PPM1H: variants seen among roughly 807,000 people sequenced by gnomAD.
The protein encoded by PPM1H is protein phosphatase 1H.
In PPM1H, 27 loss-of-function variants were observed where a neutral mutation model predicts 54.9. The observed-to-expected ratio is 0.49, with a 90% CI of 0.36 to 0.68. The LOEUF (loss-of-function observed/expected upper bound fraction) is 0.68. Among genes scored for constraint, PPM1H ranks in the 30% least tolerant of loss-of-function variants. The pLI is 0.00. For missense variants in PPM1H, 596 were observed against 667.8 expected (o/e 0.89, Z 1.19); for synonymous variants, 305 against 270.8 (o/e 1.13, Z -1.24).
rs556947356 is a variant in PPM1H, at chr12:62,831,984, C to G, written c.411+130G>C. The G allele has an allele frequency of 4.1e-5, 45 of 1,101,230 alleles. No homozygotes were observed. The East Asian group carries it at 1.1e-3, about 28-fold the overall frequency. The allele number at this position is 1,101,230 out of a possible 1,614,324, so 68.2% of individuals were successfully genotyped here. A position where few individuals can be genotyped will look rare whatever the true frequency, so the allele number is the denominator to read the frequency against. On this transcript the variant is annotated intron_variant, in intron 2 of 9. Coordinates refer to ENST00000228705, the MANE Select transcript of PPM1H (RefSeq NM_020700.2). ...GATGTCGTGACGATAGGCCCGCCAC[C>G]CCACTAACTCTGGGGACACTGCTTT...
intron 1 of PPM1H, among the ~76,000 whole-genome samples, chr12:62,907,670 T>G (rs373462292): frequency 1.3e-5 from 2 of 152,188 alleles, no homozygotes; most frequent in South Asian, 4.1e-4. Flanking sequence ...AGCCTGAATC[T>G]CAATAGTGCT....
At chr12:62,671,109 C>T (rs1413210018) in intron 8 of PPM1H, among the ~76,000 whole-genome samples, 3 of 152,130 alleles carry the variant, frequency 2.0e-5, no homozygotes, top group Non-Finnish European at 2.9e-5. Flanking sequence ...CTTACTCAAT[C>T]GAACCATACC....
At chr12:62,828,301 GACA>G (rs1242303260) in intron 2 of PPM1H, among the ~76,000 whole-genome samples, 3 of 152,156 alleles carry the variant, frequency 2.0e-5, no homozygotes, top group African/African-American at 4.8e-5. Flanking sequence ...TGACTTTTCT[GACA>G]ACATTTCCTG....
chr12:62,702,625 T>C (rs2076150768), intron 6 of PPM1H, among the ~76,000 whole-genome samples: 1 of 151,148 alleles, frequency 6.6e-6, no homozygotes. Flanking sequence ...TAGCAAGACT[T>C]CAAAGTCATT....
intron 4 of PPM1H, among the ~76,000 whole-genome samples, chr12:62,747,635 C>T (rs1360113818): frequency 6.6e-6 from 1 of 152,200 alleles, no homozygotes; most frequent in African/African-American, 2.4e-5. Flanking sequence ...CCTCAGAAAG[C>T]CTAAAAGCCC....
chr12:62,677,214 T>C (rs1045414039), intron 8 of PPM1H, among the ~76,000 whole-genome samples: 3 of 152,202 alleles, frequency 2.0e-5, no homozygotes, highest in Admixed American at 1.3e-4. Context: ...AAAGCACCTC[T>C]TCACCTTGCT....
intron 1 of PPM1H, among the ~76,000 whole-genome samples, chr12:62,910,898 T>C (rs1332445002): frequency 1.3e-5 from 2 of 152,240 alleles, no homozygotes; most frequent in African/African-American, 4.8e-5. Flanking sequence ...ACAGGTGAAC[T>C]GTTAAATAAT....
At chr12:62,907,286 T>C (rs1871328877) in intron 1 of PPM1H, among the ~76,000 whole-genome samples, 1 of 152,198 alleles carries the variant, frequency 6.6e-6, no homozygotes, top group Admixed American at 6.5e-5. Context: ...GAGATTCCCA[T>C]GATCATTACA....
rs2076255988 is a variant in PPM1H at position 62,720,182 on chromosome 12, A to G, written c.1062T>C (p.Asn354=). Reference sequence around the variant, plus strand: ...AGGCATGTTCTTACCAGCCTGTCATATTAAAGTCCCTGTAGAGCATCTTCT... The same window carrying G: ...AGGCATGTTCTTACCAGCCTGTCATGTTAAAGTCCCTGTAGAGCATCTTCT... ...LGKKMLYRDF[N]MTGWAYKTIE... Residue 354 remains asparagine (N), a synonymous_variant, in exon 6 of 10, where the codon AAT becomes AAC. Transcript: ENST00000228705. The G allele has an allele frequency of 2.5e-6, 4 of 1,604,542 alleles. No individual in the cohort carries two copies. The highest frequency in any genetic ancestry group is 3.4e-6 in the Non-Finnish European group (4 of 1,171,310).
chr12:62,739,411 A>C (rs2076369734), intron 4 of PPM1H, among the ~76,000 whole-genome samples: 1 of 152,234 alleles, frequency 6.6e-6, no homozygotes, highest in South Asian at 2.1e-4. Flanking sequence ...GGGCGGGGTC[A>C]GGAAATTCTA....
At chr12:62,872,168 C>T (rs1169347739) in intron 1 of PPM1H, among the ~76,000 whole-genome samples, 2 of 152,172 alleles carry the variant, frequency 1.3e-5, no homozygotes, top group African/African-American at 2.4e-5. Context: ...TCTGTTCTAG[C>T]CTGAAATCTC....
At chr12:62,747,518 A>G (rs918092945) in intron 4 of PPM1H, among the ~76,000 whole-genome samples, 3 of 152,226 alleles carry the variant, frequency 2.0e-5, no homozygotes, top group Non-Finnish European at 4.4e-5. Flanking sequence ...GATGGCAGGC[A>G]TGAATCACCA....
chr12:62,851,792 A>C (rs1869197313), intron 1 of PPM1H, among the ~76,000 whole-genome samples: 1 of 152,220 alleles, frequency 6.6e-6, no homozygotes, highest in South Asian at 2.1e-4. Flanking sequence ...TTGATAATTA[A>C]AGGAGAGAAA....
At chr12:62,791,436 T>C (rs2076700712) in intron 3 of PPM1H, among the ~76,000 whole-genome samples, 1 of 151,864 alleles carries the variant, frequency 6.6e-6, no homozygotes. Flanking sequence ...TTGCTACTTT[T>C]TTTGCATTTA....
At chr12:62,782,822 A>G (rs2120685398) in intron 4 of PPM1H, among the ~76,000 whole-genome samples, 1 of 152,260 alleles carries the variant, frequency 6.6e-6, no homozygotes, top group East Asian at 1.9e-4. Context: ...AAAACACAAC[A>G]TTTATTTTTA....
intron 6 of PPM1H, among the ~76,000 whole-genome samples, chr12:62,705,610 A>T (rs954533087): frequency 5.3e-5 from 8 of 152,252 alleles, no homozygotes; most frequent in African/African-American, 1.7e-4. Flanking sequence ...AGGAAATTCC[A>T]GATTTGGAAA....
At chr12:62,738,827 G>A (rs2076364950) in intron 4 of PPM1H, among the ~76,000 whole-genome samples, 1 of 152,182 alleles carries the variant, frequency 6.6e-6, no homozygotes, top group South Asian at 2.1e-4. Context: ...CATTCTTTGT[G>A]CCAAGAAGCC....
intron 1 of PPM1H, among the ~76,000 whole-genome samples, chr12:62,862,235 G>A (rs1442910570): frequency 1.3e-5 from 2 of 152,164 alleles, no homozygotes. Context: ...TCGGGGGTTA[G>A]GATATAAGAT....
chr12:62,771,011 A>G (rs2076575776), intron 4 of PPM1H, among the ~76,000 whole-genome samples: 1 of 150,034 alleles, frequency 6.7e-6, no homozygotes, highest in Non-Finnish European at 1.5e-5. Context: ...AGTGACCTTG[A>G]CTTCACAGCT....
Sources: gnomAD v4.1 joint callset for allele counts (sites outside exome capture counted in the v4.1 genomes callset) on GRCh38, gnomAD v4.1.1 for gene constraint, MANE v1.5 for transcripts, NCBI Gene and HGNC (gene_info 2026-07-23, HGNC 2026-07-21) for gene names.